The following OSBPL10 variants were observed in gnomAD, a reference collection of about 807,000 sequenced individuals.
The protein encoded by OSBPL10 is oxysterol binding protein like 10.
Under a neutral mutation model 81.7 loss-of-function variants are expected in OSBPL10, and 49 were observed. The observed-to-expected ratio is 0.60, with a 90% confidence interval of 0.48 to 0.76. The LOEUF is 0.76. Ranked by LOEUF, OSBPL10 falls within the 30% of genes least tolerant of loss-of-function variation. The probability of loss-of-function intolerance (pLI) is 0.00; values close to 1 mark genes in which losing one functional copy is unlikely to be tolerated. For missense variants in OSBPL10, 923 were observed against 987.8 expected, an observed-to-expected ratio of 0.93 and a Z score of 0.88; for synonymous variants, 419 against 383.6, an observed-to-expected ratio of 1.09 and a Z score of -1.08.
intron 3 of OSBPL10, among the ~76,000 whole-genome samples, chr3:31,862,238 G>A (rs1249544223): frequency 6.6e-6 from 1 of 152,116 alleles, no homozygotes; most frequent in African/African-American, 2.4e-5. Context: ...AATGCTGACA[G>A]GAAAGCTTCA....
intron 1 of OSBPL10, among the ~76,000 whole-genome samples, chr3:31,943,900 G>A (rs887782152): frequency 1.6e-4 from 24 of 145,886 alleles, no homozygotes; most frequent in South Asian, 4.3e-4. Flanking sequence ...CCCAGGAAGC[G>A]GAGGTTCGAG....
intron 8 of OSBPL10, among the ~76,000 whole-genome samples, chr3:31,675,349 T>C (rs1445728161): frequency 2.0e-5 from 3 of 152,202 alleles, no homozygotes; most frequent in Admixed American, 6.5e-5. Context: ...TGTTTTTTCA[T>C]GGAGAATATG....
intron 2 of OSBPL10, among the ~76,000 whole-genome samples, chr3:32,038,705 G>A (rs2125557147): frequency 6.6e-6 from 1 of 152,312 alleles, no homozygotes; most frequent in Admixed American, 6.5e-5. Context: ...CTGTACATGG[G>A]CATAAGGGAT....
rs559427930 is a variant in OSBPL10, at chr3:31,937,270, C to T, written c.281+43629G>A. On this transcript the variant is annotated intron_variant, in intron 1 of 11. Transcript: ENST00000396556. The stretch of plus-strand genomic sequence containing the variant: ...CTGCACCCAGCCTGGGCAAGAGACA[C>T]TCAGGCTCAAAAAAAAAAAAAAAGA... Among the ~76,000 whole-genome samples, 265 of 148,214 alleles carry T rather than the reference C, an allele frequency of 1.8e-3. 1 individual carries two copies. Among genetic ancestry groups the T allele is most frequent in the African/African-American group, 6.4e-3 (256 of 39,924 alleles).
intron 8 of OSBPL10, among the ~76,000 whole-genome samples, chr3:31,678,200 G>A (rs1302139634): frequency 6.6e-6 from 1 of 152,176 alleles, no homozygotes; most frequent in African/African-American, 2.4e-5. Context: ...AATGACAGGA[G>A]GCCATGTGCT....
In OSBPL10 at chr3:31,733,250, C is replaced by T. The variant is rs765052502; in HGVS notation, c.1095+7G>A. The stretch of plus-strand genomic sequence containing the variant: ...CCATGAATGCACTGAGAGGACTGCA[C>T]GCTTACCTCTGGCTCTGGCTGTGAG... On this transcript the variant is annotated splice_region_variant and intron_variant, in intron 6 of 11. Coordinates refer to ENST00000396556, the MANE Select transcript of OSBPL10 (RefSeq NM_017784.5). The T allele has an allele frequency of 4.7e-5, 75 of 1,612,212 alleles. No individual in the cohort carries two copies. Among genetic ancestry groups the T allele is most frequent in the Non-Finnish European group, 5.7e-5 (67 of 1,179,626 alleles).
chr3:31,760,983 T>A (rs990746979), intron 4 of OSBPL10, among the ~76,000 whole-genome samples: 3 of 152,180 alleles, frequency 2.0e-5, no homozygotes, highest in African/African-American at 7.2e-5. Flanking sequence ...TTTTTTTTTT[T>A]TATAAATACT....
intron 4 of OSBPL10, among the ~76,000 whole-genome samples, chr3:31,752,779 C>G (rs905575057): frequency 6.6e-6 from 1 of 152,132 alleles, no homozygotes; most frequent in African/African-American, 2.4e-5. Context: ...AGCTGTAAAC[C>G]CTGTGCAGTT....
chr3:31,773,551 A>G (rs1321642215), intron 4 of OSBPL10, among the ~76,000 whole-genome samples: 1 of 152,228 alleles, frequency 6.6e-6, no homozygotes, highest in Non-Finnish European at 1.5e-5. Context: ...TGACATTTGA[A>G]GAAATGAGGG....
chr3:31,833,665 T>C (rs943919233), intron 3 of OSBPL10, among the ~76,000 whole-genome samples: 5 of 149,832 alleles, frequency 3.3e-5, no homozygotes, highest in Non-Finnish European at 5.9e-5. Context: ...GGGTCAGCCA[T>C]TAAATATCAA....
chr3:31,711,557 C>G (rs1015938621), intron 6 of OSBPL10, among the ~76,000 whole-genome samples: 1 of 152,252 alleles, frequency 6.6e-6, no homozygotes, highest in Middle Eastern at 3.4e-3. Context: ...AAAAAGAAAG[C>G]ATGGGAAACT....
intron 8 of OSBPL10, among the ~76,000 whole-genome samples, chr3:31,672,361 C>CGGG (rs61186495): frequency 7.4e-5 from 4 of 53,736 alleles, no homozygotes; most frequent in East Asian, 1.0e-3. Context: ...TTTGCGGGGG[C>CGGG]GGGGGGGGGG....
intron 6 of OSBPL10, among the ~76,000 whole-genome samples, chr3:31,730,772 G>A (rs1696951089): frequency 6.6e-6 from 1 of 152,210 alleles, no homozygotes; most frequent in Non-Finnish European, 1.5e-5. Flanking sequence ...TTTATGGGAA[G>A]CCAGAACCAG....
At chr3:31,831,713 G>GT (rs1700246039) in intron 3 of OSBPL10, among the ~76,000 whole-genome samples, 1 of 152,144 alleles carries the variant, frequency 6.6e-6, no homozygotes, top group African/African-American at 2.4e-5. Context: ...TCATCAGATT[G>GT]GCAAAAATTC....
chr3:31,760,020 G>A (rs143000818), intron 4 of OSBPL10, among the ~76,000 whole-genome samples: 48 of 152,178 alleles, frequency 3.2e-4, no homozygotes, highest in African/African-American at 1.1e-3. Context: ...CCTTGACCTC[G>A]CAAAGTGCTG....
intron 5 of OSBPL10, among the ~76,000 whole-genome samples, chr3:31,741,629 A>C (rs35732680): frequency 0.11 from 16,532 of 152,256 alleles, 1,104 homozygotes; most frequent in African/African-American, 0.18. Flanking sequence ...TAAAAAAATA[A>C]AAAATAAACA....
intron 11 of OSBPL10, 108 bp downstream of exon 11, chr3:31,663,971 C>T (rs1433451790): frequency 1.2e-6 from 2 of 1,611,106 alleles, no homozygotes; most frequent in Admixed American, 3.3e-5. Flanking sequence ...CATCCCTTCC[C>T]CTGCCTGGTA....
intron 3 of OSBPL10, among the ~76,000 whole-genome samples, chr3:31,873,614 G>A (rs1321122776): frequency 6.6e-6 from 1 of 152,192 alleles, no homozygotes; most frequent in East Asian, 1.9e-4. Context: ...TTACGTAAGA[G>A]TTTTTAAAAG....
chr3:32,024,047 C>T (rs979452190), intron 2 of OSBPL10, among the ~76,000 whole-genome samples: 3 of 152,162 alleles, frequency 2.0e-5, no homozygotes, highest in African/African-American at 7.2e-5. Flanking sequence ...AAAAGAGAGG[C>T]CTACTGTACA....
Sources: gnomAD v4.1 joint callset for allele counts (sites outside exome capture counted in the v4.1 genomes callset) on GRCh38, gnomAD v4.1.1 for gene constraint, MANE v1.5 for transcripts, NCBI Gene and HGNC (gene_info 2026-07-23, HGNC 2026-07-21) for gene names.